NRG1: variants seen among roughly 807,000 people sequenced by gnomAD.
NRG1 encodes the protein pro-neuregulin-1, membrane-bound isoform.
In NRG1, 18 loss-of-function variants were observed where a neutral mutation model predicts 63.8. The observed-to-expected ratio is 0.28, with a 90% CI of 0.19 to 0.42. The LOEUF (loss-of-function observed/expected upper bound fraction) is 0.42. Among genes scored for constraint, NRG1 ranks in the 10% least tolerant of loss-of-function variants. NRG1 has a pLI of 1.00. For missense variants in NRG1, 762 were observed against 814.7 expected (o/e 0.94, Z 0.79); for synonymous variants, 302 against 301.3 (o/e 1.00, Z -0.02).
At chr8:32,545,397 G>A (rs531527740), upstream of NRG1, among the ~76,000 whole-genome samples, 3 of 151,874 alleles carry the variant, frequency 2.0e-5, no homozygotes, top group Non-Finnish European at 4.4e-5. Flanking sequence ...TATAATACAT[G>A]ATCTAAGACC....
At chr8:31,767,881 A>T (rs1019379217) in intron 1 of NRG1, among the ~76,000 whole-genome samples, 2 of 151,676 alleles carry the variant, frequency 1.3e-5, no homozygotes, top group African/African-American at 4.8e-5. Context: ...AGTAATCTTC[A>T]TAAGTAAATG....
chr8:32,251,901 T>TG (rs34206537), intron 1 of NRG1, among the ~76,000 whole-genome samples: 105,310 of 151,732 alleles, frequency 0.69, 37,113 homozygotes, highest in African/African-American at 0.79. Flanking sequence ...AGCTGCATAA[T>TG]GTCATTTCTC....
intron 1 of NRG1, among the ~76,000 whole-genome samples, chr8:31,890,465 C>A (rs1831058023): frequency 6.6e-6 from 1 of 151,938 alleles, no homozygotes; most frequent in African/African-American, 2.4e-5. Flanking sequence ...GGGGAAGAGA[C>A]AAAGAGAATC....
chr8:32,129,160 C>G (rs1834478394), intron 1 of NRG1, among the ~76,000 whole-genome samples: 1 of 151,958 alleles, frequency 6.6e-6, no homozygotes, highest in Non-Finnish European at 1.5e-5. Context: ...AGCACAATCT[C>G]AGGTTCATAA....
At chr8:32,247,160 G>T (rs938614964) in intron 1 of NRG1, among the ~76,000 whole-genome samples, 2 of 151,818 alleles carry the variant, frequency 1.3e-5, no homozygotes, top group African/African-American at 2.4e-5. Context: ...TGAAATTAAC[G>T]AATAAAAGTT....
At position 32,039,101 on chromosome 8, in the gene NRG1, G is replaced by A. The variant is rs574222913; in HGVS notation, c.37+399670G>A. 1.8e-4 allele frequency among the ~76,000 whole-genome samples: 27 copies of A among 152,254 alleles called. No individual in the cohort carries two copies. In the East Asian group the frequency reaches 5.0e-3, roughly 28 times the overall value. Reference sequence around the variant, plus strand: ...TAATTGCAGCTACGAAACTAAAAGTGAACAAATTGCTTTCTCATTTAATTT... The same window carrying A: ...TAATTGCAGCTACGAAACTAAAAGTAAACAAATTGCTTTCTCATTTAATTT... On this transcript the variant is annotated intron_variant, in intron 1 of 10. Coordinates refer to the NRG1 transcript ENST00000519301.
At chr8:31,854,876 A>G (rs960497733) in intron 1 of NRG1, among the ~76,000 whole-genome samples, 26 of 152,140 alleles carry the variant, frequency 1.7e-4, no homozygotes, top group African/African-American at 6.3e-4. Flanking sequence ...TGTACCCAGT[A>G]GTCATTCAGG....
chr8:32,732,795 A>ATTT (rs1824026218), intron 6 of NRG1, among the ~76,000 whole-genome samples: 1 of 112,960 alleles, frequency 8.9e-6, no homozygotes, highest in Non-Finnish European at 1.8e-5. Flanking sequence ...ATCATGTTTA[A>ATTT]TTTCTTTTTT....
intron 1 of NRG1, among the ~76,000 whole-genome samples, chr8:31,971,659 A>G (rs1807295671): frequency 6.6e-6 from 1 of 152,104 alleles, no homozygotes; most frequent in Non-Finnish European, 1.5e-5. Context: ...ATTGAGATTC[A>G]CCATGTTTTT....
At chr8:32,158,447 T>TTATATATATATATATATA (rs1563852043) in intron 1 of NRG1, among the ~76,000 whole-genome samples, 2 of 30,272 alleles carry the variant, frequency 6.6e-5, no homozygotes, top group Admixed American at 5.9e-4. Flanking sequence ...TTGGTTTACA[T>TTATATATATATATATATA]GATATATATA....
chr8:32,398,649 G>C (rs1404877782), intron 1 of NRG1, among the ~76,000 whole-genome samples: 5 of 152,010 alleles, frequency 3.3e-5, no homozygotes, highest in African/African-American at 1.2e-4. Flanking sequence ...GACCTCAGAT[G>C]GTCCACCCAC....
At chr8:32,612,875 A>G (rs566907572) in intron 3 of NRG1, among the ~76,000 whole-genome samples, 1 of 152,114 alleles carries the variant, frequency 6.6e-6, no homozygotes, top group African/African-American at 2.4e-5. Context: ...CTCTTAGTGT[A>G]GGTCCTTTGT....
At chr8:31,943,676 A>G (rs1184754752) in intron 1 of NRG1, among the ~76,000 whole-genome samples, 1 of 152,122 alleles carries the variant, frequency 6.6e-6, no homozygotes, top group African/African-American at 2.4e-5. Flanking sequence ...TACCTTGTTC[A>G]CCCTTTTAAT....
At chr8:32,469,927 G>A (rs1042690680) in intron 1 of NRG1, among the ~76,000 whole-genome samples, 1 of 152,066 alleles carries the variant, frequency 6.6e-6, no homozygotes, top group Admixed American at 6.6e-5. Flanking sequence ...GTGCGTTCTC[G>A]GCTCACTGCA....
At chr8:31,678,776 TATTAAATA>T (rs201205886) in intron 1 of NRG1, among the ~76,000 whole-genome samples, 4,296 of 148,166 alleles carry the variant, frequency 0.029, 226 homozygotes, top group African/African-American at 0.1. Context: ...ATAATATTGA[TATTAAATA>T]TTTAAATATT....
In NRG1 at chr8:31,640,224, G is replaced by C. The variant is rs1286638478; in HGVS notation, c.37+793G>C. 2.6e-6 allele frequency: 3 copies of C among 1,162,392 alleles called. No homozygotes were observed. Among genetic ancestry groups the C allele is most frequent in the South Asian group, 4.1e-5 (1 of 24,662 alleles). 72.0% of individuals were successfully genotyped at this position (1,162,392 alleles called of 1,614,324 possible). ...TGCAGGAGCTAGCTCAGCGCGCCGC[G>C]GTGGTGATCGAGGGAAAGGTGCACC... On this transcript the variant is annotated intron_variant, in intron 1 of 10. Transcript: ENST00000519301. The surrounding 1 kb of genome is among the most constrained non-coding windows in gnomAD (Gnocchi z 6.3).
chr8:32,552,599 C>A (rs188376669), intron 1 of NRG1, among the ~76,000 whole-genome samples: 1 of 152,266 alleles, frequency 6.6e-6, no homozygotes, highest in Non-Finnish European at 1.5e-5. Flanking sequence ...AACGGGGCAG[C>A]CTGTGTTTAC....
At chr8:32,169,905 T>C (rs909314328) in intron 1 of NRG1, among the ~76,000 whole-genome samples, 3 of 152,214 alleles carry the variant, frequency 2.0e-5, no homozygotes, top group Non-Finnish European at 4.4e-5. Flanking sequence ...TTAGTAAAGA[T>C]GAGGTTATAC....
chr8:32,754,699 A>T (rs1182144164), intron 8 of NRG1, among the ~76,000 whole-genome samples: 1 of 152,184 alleles, frequency 6.6e-6, no homozygotes, highest in Admixed American at 6.5e-5. Flanking sequence ...TTCAATGACC[A>T]CAGCCCCTGA....
Sources: gnomAD v4.1 joint callset for allele counts (sites outside exome capture counted in the v4.1 genomes callset) on GRCh38, gnomAD v4.1.1 for gene constraint, Gnocchi (gnomAD v3.1) non-coding constraint, MANE v1.5 for transcripts, NCBI Gene and HGNC (gene_info 2026-07-23, HGNC 2026-07-21) for gene names.